Variants in TPI1 observed in about 807,000 individuals in gnomAD.
The protein encoded by TPI1 is triosephosphate isomerase.
A neutral mutation model predicts 31.0 loss-of-function variants in TPI1; 11 were observed. The observed-to-expected ratio is 0.36, with a 90% CI of 0.22 to 0.59. The LOEUF is 0.59. Among genes scored for constraint, TPI1 ranks in the 20% least tolerant of loss-of-function variants. The probability of loss-of-function intolerance (pLI) is 0.79; values close to 1 mark genes in which losing one functional copy is unlikely to be tolerated. For synonymous variants in TPI1, 121 were observed against 122.8 expected, an observed-to-expected ratio of 0.99 and a Z score of 0.10; for missense variants, 245 against 319.7, an observed-to-expected ratio of 0.77 and a Z score of 1.78.
chr12:6,869,186 T>C lies in TPI1; in HGVS notation c.324+3T>C. On this transcript the variant is annotated splice_donor_region_variant and intron_variant, in intron 3 of 6. Transcript: ENST00000396705. ...ATGTCTTTGGGGAGTCAGATGAGGT[T>C]AGTAGCCAAGAGAGAAGATAAGGGA... 1 of 1,614,070 alleles carries C rather than the reference T, an allele frequency of 6.2e-7. No homozygotes were observed. The highest frequency in any genetic ancestry group is 8.5e-7 in the Non-Finnish European group (1 of 1,179,982).
intron 6 of TPI1, 28 bp from the exon 7 acceptor site, chr12:6,870,237 C>T: frequency 6.2e-7 from 1 of 1,610,078 alleles, no homozygotes; most frequent in Non-Finnish European, 8.5e-7. Flanking sequence ...CCATTCTTGA[C>T]CAAGCCCTTG....
At chr12:6,868,665 T>C in intron 1 of TPI1, 199 bp from the exon 2 acceptor site, 10 of 1,327,086 alleles carry the variant, frequency 7.5e-6, no homozygotes, top group Non-Finnish European at 1.0e-5. Context: ...CAGGGGTATC[T>C]GGAAGGCTCT....
intron 6 of TPI1, 62 bp from the exon 7 acceptor site, chr12:6,870,203 A>AG (rs1944556902): frequency 1.9e-6 from 3 of 1,600,678 alleles, no homozygotes; most frequent in Non-Finnish European, 2.6e-6. Context: ...TCGGACATGG[A>AG]GGTGGGGATG....
intron 1 of TPI1, 121 bp from the exon 2 acceptor site, chr12:6,868,743 G>C: frequency 1.4e-6 from 2 of 1,475,050 alleles, no homozygotes; most frequent in African/African-American, 1.4e-5. Context: ...GGTGAAAAGG[G>C]GGAGAGCAGA....
intron 1 of TPI1, 198 bp from the exon 2 acceptor site, chr12:6,868,666 G>A: frequency 7.5e-7 from 1 of 1,329,464 alleles, no homozygotes; most frequent in South Asian, 1.3e-5. Context: ...AGGGGTATCT[G>A]GAAGGCTCTT....
chr12:6,870,356 C>T lies in TPI1; in HGVS notation c.723C>T (p.Phe241=), dbSNP rs781975436. The change falls in exon 7 of 7, where the codon TTC becomes TTT. Residue 241 remains phenylalanine (F), a synonymous_variant. Coordinates refer to ENST00000396705, the MANE Select transcript of TPI1 (RefSeq NM_000365.6). ...LVGGASLKPE[F]VDIINAKQ ...GTGGTGCTTCCCTCAAGCCCGAATTCGTGGACATCATCAATGCCAAACAAT... is the reference window on the plus strand; with the variant it reads ...GTGGTGCTTCCCTCAAGCCCGAATTTGTGGACATCATCAATGCCAAACAAT... 22 of 1,613,774 alleles carry T rather than the reference C, an allele frequency of 1.4e-5. No individual in the cohort carries two copies. Among genetic ancestry groups the T allele is most frequent in the Middle Eastern group, 1.7e-4 (1 of 5,980 alleles).
chr12:6,868,713 G>A, intron 1 of TPI1, 151 bp from the exon 2 acceptor site: 1 of 1,425,032 alleles, frequency 7.0e-7, no homozygotes, highest in East Asian at 2.5e-5. Context: ...CTGGAAAATG[G>A]ACAAAGGTCA....
In TPI1 at chr12:6,870,269, T is replaced by A. The variant is rs148609987; in HGVS notation, c.636T>A (p.Ser212=). 1.1e-4 allele frequency: 173 copies of A among 1,613,854 alleles called. No individual in the cohort carries two copies. The highest frequency in any genetic ancestry group is 1.4e-4 in the Non-Finnish European group (165 of 1,179,838). ...AQSTRIIYGG[S]VTGATCKELA... ...CTTGTTCTGCTCCCTTCCCAGGCTC[T>A]GTGACTGGGGCAACCTGCAAGGAGC... The change falls in exon 7 of 7, where the codon TCT becomes TCA. Residue 212 remains serine (S), a synonymous_variant. Coordinates refer to ENST00000396705, the MANE Select transcript of TPI1 (RefSeq NM_000365.6).
At chr12:6,868,134 C>A in intron 1 of TPI1, 1 of 1,268,366 alleles carries the variant, frequency 7.9e-7, no homozygotes, top group Non-Finnish European at 1.0e-6. Flanking sequence ...TCCGCGTCCC[C>A]GCGCCGAGCT....
At chr12:6,868,602 T>G (rs1429187060) in intron 1 of TPI1, 1 of 1,352,222 alleles carries the variant, frequency 7.4e-7, no homozygotes, top group African/African-American at 1.5e-5. Context: ...CTCGAGGAAA[T>G]TGGAGCCCCA....
In TPI1 at chr12:6,867,641, C is replaced by A; in HGVS notation, c.75C>A (p.Leu25=). Reference sequence around the variant, plus strand: ...GGCGGAAGCAGAGTCTGGGGGAGCTCATCGGCACTCTGAACGCGGCCAAGG... The same window carrying A: ...GGCGGAAGCAGAGTCTGGGGGAGCTAATCGGCACTCTGAACGCGGCCAAGG... ...MNGRKQSLGE[L]IGTLNAAKVP... Residue 25 remains leucine (L), a synonymous_variant, in exon 1 of 7, where the codon CTC becomes CTA. Coordinates refer to ENST00000396705, the MANE Select transcript of TPI1 (RefSeq NM_000365.6). 6.2e-7 allele frequency: 1 copy of A among 1,611,892 alleles called. No individual in the cohort carries two copies. The highest frequency in any genetic ancestry group is 8.5e-7 in the Non-Finnish European group (1 of 1,179,386).
chr12:6,868,475 C>G (rs1022731528), intron 1 of TPI1: 1 of 1,286,398 alleles, frequency 7.8e-7, no homozygotes, highest in Non-Finnish European at 1.0e-6. Context: ...TGGCCCCTCT[C>G]CTTTTGCTAC....
chr12:6,868,769 G>T, intron 1 of TPI1, 95 bp from the exon 2 acceptor site: 1 of 1,526,324 alleles, frequency 6.6e-7, no homozygotes, highest in Non-Finnish European at 8.8e-7. Flanking sequence ...GAAGAAGAGG[G>T]TGAGGGCTGG....
rs1555133005 is a variant in TPI1 at position 6,870,832 on chromosome 12, T to C, written c.*449T>C. ...AGGGAATAAACCTGGCACTAGGTCTTGTGGTTTGTCTGCCTTCACTGGACT... is the reference window on the plus strand; with the variant it reads ...AGGGAATAAACCTGGCACTAGGTCTCGTGGTTTGTCTGCCTTCACTGGACT... On this transcript the variant is annotated 3_prime_UTR_variant, in exon 7 of 7. Transcript: ENST00000396705. 4 of 533,530 alleles carry C rather than the reference T, an allele frequency of 7.5e-6. No homozygotes were observed. The highest frequency in any genetic ancestry group is 1.5e-5 in the South Asian group (1 of 65,210). 33.0% of individuals were successfully genotyped at this position (533,530 alleles called of 1,614,324 possible). A position where few individuals can be genotyped will look rare whatever the true frequency, so the allele number is the denominator to read the frequency against.
At chr12:6,868,087 G>T (rs1555131742) in intron 1 of TPI1, 9 of 1,237,114 alleles carry the variant, frequency 7.3e-6, no homozygotes, top group Non-Finnish European at 9.3e-6. Context: ...GTGCGCCGCC[G>T]CACGTAGCCC....
chr12:6,868,007 G>T, intron 1 of TPI1: 1 of 1,156,286 alleles, frequency 8.6e-7, no homozygotes, highest in African/African-American at 1.7e-5. Flanking sequence ...GGAGCCCGAG[G>T]CTCTGCGGGA....
upstream of TPI1, chr12:6,867,476 G>C (rs1344931620): frequency 4.3e-5 from 66 of 1,534,524 alleles, no homozygotes; most frequent in Non-Finnish European, 5.7e-5. Context: ...ACGGCGAGGA[G>C]GCGGAGTTCC....
At chr12:6,870,233 T>C in intron 6 of TPI1, 32 bp from the exon 7 acceptor site, 1 of 1,610,418 alleles carries the variant, frequency 6.2e-7, no homozygotes, top group Non-Finnish European at 8.5e-7. Context: ...CATCCCATTC[T>C]TGACCAAGCC....
chr12:6,869,721 C>G lies in TPI1; in HGVS notation c.491C>G (p.Ala164Gly), dbSNP rs1555132377. ...NVKDWSKVVL[A>G]YEPVWAIGTG... is the part of the protein sequence containing the mutation. ...AAGGACTGGAGCAAGGTCGTCCTGG[C>G]CTATGAGCCTGTGTGGGCCATTGGT... The change falls in exon 5 of 7, where the codon GCC (alanine) becomes GGC (glycine). Residue 164 changes from alanine (A) to glycine (G), a missense_variant. Ala to Gly is a moderately conservative substitution (Grantham distance 60, BLOSUM62 0). Coordinates refer to ENST00000396705, the MANE Select transcript of TPI1 (RefSeq NM_000365.6). 1 of 1,614,258 alleles carries G rather than the reference C, an allele frequency of 6.2e-7. No individual in the cohort carries two copies. The highest frequency in any genetic ancestry group is 2.2e-5 in the East Asian group (1 of 44,890).
Sources: allele counts gnomAD v4.1 joint callset, GRCh38; gene constraint gnomAD v4.1.1; transcripts MANE v1.5; gene names NCBI Gene and HGNC (gene_info 2026-07-23, HGNC 2026-07-21).